Variants in DOCK11 observed in about 807,000 individuals in gnomAD.
DOCK11 encodes dedicator of cytokinesis protein 11.
Under a neutral mutation model 169.1 loss-of-function variants are expected in DOCK11, and 70 were observed. That is an observed-to-expected ratio of 0.41 (90% CI 0.34 to 0.51). DOCK11 has a LOEUF of 0.51. Among genes scored for constraint, DOCK11 ranks in the 20% least tolerant of loss-of-function variants. DOCK11 has a pLI of 0.10. For synonymous variants in DOCK11, 529 were observed against 541.3 expected, an observed-to-expected ratio of 0.98 and a Z score of 0.32; for missense variants, 1,166 against 1,538.8, an observed-to-expected ratio of 0.76 and a Z score of 4.05.
At chrX:118,523,790 C>T (rs1404020322) in intron 1 of DOCK11, among the ~76,000 whole-genome samples, 1 of 111,366 alleles carries the variant, frequency 9.0e-6, no homozygotes, top group East Asian at 2.8e-4. Context: ...AAACAAACTC[C>T]CATGTGACAA....
chrX:118,627,720 A>G, intron 33 of DOCK11, 141 bp downstream of exon 33: 3 of 456,093 alleles, frequency 6.6e-6, no homozygotes, highest in Non-Finnish European at 1.1e-5. Flanking sequence ...TCTGACTTAT[A>G]CTTGCAGTCA....
In DOCK11 at chrX:118,683,206, A is replaced by T. The variant is rs2016783142; in HGVS notation, c.6091A>T (p.Ile2031Phe). Residue 2031 changes from isoleucine to phenylalanine, a missense_variant, in exon 52 of 53, where the codon ATC (isoleucine) becomes TTC (phenylalanine). Physicochemically the swap from Ile to Phe is conservative, Grantham distance 21 (BLOSUM62 0). Transcript: ENST00000276202. ...CATGGTAAAAGAATTATCTGACATTATCCATGAGCAGGCAAGTATTAGGGT... is the reference window on the plus strand; with the variant it reads ...CATGGTAAAAGAATTATCTGACATTTTCCATGAGCAGGCAAGTATTAGGGT... ...RDMVKELSDIIHEQILQEDTM... is the reference protein window; with the variant it reads ...RDMVKELSDIFHEQILQEDTM... The T allele has an allele frequency of 5.8e-6, 7 of 1,209,997 alleles. No individual in the cohort carries two copies. The highest frequency in any genetic ancestry group is 7.8e-6 in the Non-Finnish European group (7 of 894,820).
chrX:118,602,312 G>C (rs1047665413), intron 23 of DOCK11, among the ~76,000 whole-genome samples: 1 of 110,151 alleles, frequency 9.1e-6, no homozygotes, highest in Non-Finnish European at 1.9e-5. Context: ...TATATATTTA[G>C]TATTTTCCTA....
intron 1 of DOCK11, among the ~76,000 whole-genome samples, chrX:118,510,885 C>T (rs756845353): frequency 4.5e-5 from 5 of 111,815 alleles, no homozygotes; most frequent in Non-Finnish European, 7.5e-5. Flanking sequence ...TTTCTGGCTT[C>T]ATGATGATTT....
Position 118,508,818 on chromosome X carries a change from G to A in DOCK11, c.102+12745G>A, listed in dbSNP as rs529059363. Among the ~76,000 whole-genome samples, 9 of 112,303 alleles carry A rather than the reference G, an allele frequency of 8.0e-5. No individual in the cohort carries two copies. The South Asian group carries it at 3.4e-3, about 42-fold the overall frequency. On this transcript the variant is annotated intron_variant, in intron 1 of 52. Transcript: ENST00000276202. The stretch of plus-strand genomic sequence containing the variant: ...TCTGTCCCTGCTAAATGGTCTGGCA[G>A]AATTCTCATCAGGAGAGCCAGAAGA...
At chrX:118,651,070 G>A (rs1297757819) in intron 41 of DOCK11, among the ~76,000 whole-genome samples, 2 of 111,774 alleles carry the variant, frequency 1.8e-5, no homozygotes, top group Non-Finnish European at 3.8e-5. Flanking sequence ...CCTAGGACCA[G>A]TGGTAAAGCA....
chrX:118,629,946 C>T (rs754798300), intron 34 of DOCK11, among the ~76,000 whole-genome samples: 5 of 108,711 alleles, frequency 4.6e-5, no homozygotes, highest in South Asian at 8.1e-4. Context: ...TGGGCTACTG[C>T]GCCTGGTTTT....
intron 37 of DOCK11, among the ~76,000 whole-genome samples, chrX:118,638,927 A>AT (rs1013421708): frequency 2.4e-4 from 27 of 112,495 alleles, no homozygotes; most frequent in Admixed American, 1.9e-4. Context: ...CCCAGTTGTA[A>AT]TTTTTTAAAT....
rs1259062011 is a variant in DOCK11, at chrX:118,542,128, GA to G, written c.103-595del. ...TTTACTTAAAATTCAATAATTTTTA[GA>G]AGGCACACAGATTAAGTAGAATAAC... On this transcript the variant is annotated intron_variant, in intron 1 of 52. Transcript: ENST00000276202. 2.2e-3 allele frequency among the ~76,000 whole-genome samples: 248 copies of G among 110,625 alleles called. 1 individual carries two copies. The highest frequency in any genetic ancestry group is 7.7e-3 in the African/African-American group (234 of 30,431).
intron 7 of DOCK11, 104 bp downstream of exon 7, chrX:118,561,621 C>A: frequency 2.3e-6 from 2 of 852,055 alleles, no homozygotes; most frequent in Non-Finnish European, 1.6e-6. Flanking sequence ...GTAATCCCAG[C>A]ACTTTGAGAG....
intron 6 of DOCK11, among the ~76,000 whole-genome samples, chrX:118,553,665 G>A (rs2012580301): frequency 9.0e-6 from 1 of 111,662 alleles, no homozygotes; most frequent in South Asian, 3.7e-4. Context: ...TGCAGTGGGA[G>A]AACATCAAAT....
chrX:118,682,811 G>T (rs2016774351), intron 51 of DOCK11, among the ~76,000 whole-genome samples: 1 of 112,061 alleles, frequency 8.9e-6, no homozygotes, highest in Admixed American at 9.5e-5. Context: ...CCAAGGAAAT[G>T]ATTGAGCAAG....
chrX:118,601,008 A>G (rs2014320740), intron 23 of DOCK11, among the ~76,000 whole-genome samples: 1 of 111,699 alleles, frequency 9.0e-6, no homozygotes, highest in African/African-American at 3.3e-5. Context: ...GTGTGACATG[A>G]TGTGACTTTG....
intron 37 of DOCK11, 65 bp from the exon 38 acceptor site, chrX:118,639,370 A>G: frequency 1.8e-6 from 2 of 1,123,488 alleles, no homozygotes; most frequent in East Asian, 6.1e-5. Context: ...TTTTAGTTAA[A>G]AAGATGATAA....
intron 30 of DOCK11, chrX:118,616,130 C>A: frequency 1.5e-6 from 1 of 651,105 alleles, no homozygotes; most frequent in Non-Finnish European, 2.0e-6. Context: ...TTATTGAATG[C>A]TTTGTTGTAT....
chrX:118,659,295 A>T (rs2016157059), intron 44 of DOCK11, among the ~76,000 whole-genome samples: 1 of 111,838 alleles, frequency 8.9e-6, no homozygotes, highest in South Asian at 3.7e-4. Context: ...GGAATACAGA[A>T]GTTACAGCTA....
At chrX:118,676,283 A>G (rs371474683) in intron 47 of DOCK11, among the ~76,000 whole-genome samples, 55 of 111,965 alleles carry the variant, frequency 4.9e-4, no homozygotes, top group African/African-American at 1.7e-3. Flanking sequence ...TTTTTAAAGT[A>G]CATATTAAAT....
intron 1 of DOCK11, among the ~76,000 whole-genome samples, chrX:118,500,151 T>C (rs545443781): frequency 1.1e-4 from 12 of 108,925 alleles, no homozygotes; most frequent in Non-Finnish European, 9.6e-5. Flanking sequence ...CGGGTTCACG[T>C]CATTCTCCCG....
At chrX:118,531,123 ATTG>A (rs1394398085) in intron 1 of DOCK11, among the ~76,000 whole-genome samples, 6 of 109,943 alleles carry the variant, frequency 5.5e-5, no homozygotes, top group Non-Finnish European at 1.1e-4. Context: ...TTTTGTTGTT[ATTG>A]TTGTTGTTGT....
Sources: gnomAD v4.1 joint callset for allele counts (sites outside exome capture counted in the v4.1 genomes callset) on GRCh38, gnomAD v4.1.1 for gene constraint, MANE v1.5 for transcripts, NCBI Gene and HGNC (gene_info 2026-07-23, HGNC 2026-07-21) for gene names.